FAM227A: variants seen among roughly 807,000 people sequenced by gnomAD.
The protein encoded by FAM227A is family with sequence similarity 227 member A.
A neutral mutation model predicts 74.7 loss-of-function variants in FAM227A; 80 were observed. The ratio of observed to expected loss-of-function variants is 1.07; its 90% CI spans 0.89 to 1.29. The LOEUF (loss-of-function observed/expected upper bound fraction) is 1.29. Among genes scored for constraint, FAM227A ranks in the 50% most tolerant of loss-of-function variants. FAM227A has a pLI of 0.00. For synonymous variants in FAM227A, 237 were observed against 241.8 expected, an observed-to-expected ratio of 0.98 and a Z score of 0.19; for missense variants, 654 against 683.4, an observed-to-expected ratio of 0.96 and a Z score of 0.48.
intron 11 of FAM227A, among the ~76,000 whole-genome samples, chr22:38,611,292 G>A (rs2091408640): frequency 6.6e-6 from 1 of 152,116 alleles, no homozygotes; most frequent in Admixed American, 6.5e-5. Flanking sequence ...TACAGAGTTG[G>A]GGGTTGGGGA....
At chr22:38,604,199 C>T (rs1403463149) in intron 13 of FAM227A, among the ~76,000 whole-genome samples, 1 of 151,992 alleles carries the variant, frequency 6.6e-6, no homozygotes, top group Non-Finnish European at 1.5e-5. Context: ...TGGTGGCACA[C>T]GCCTGTAGTC....
At chr22:38,597,628 G>A (rs1471128288) in intron 14 of FAM227A, among the ~76,000 whole-genome samples, 2 of 152,134 alleles carry the variant, frequency 1.3e-5, no homozygotes, top group Non-Finnish European at 2.9e-5. Flanking sequence ...GTGGATGGAA[G>A]GCAGGGCTAA....
chr22:38,626,913 T>TATATATAC (rs34078214), intron 8 of FAM227A, among the ~76,000 whole-genome samples: 4,799 of 88,818 alleles, frequency 0.054, 285 homozygotes, highest in East Asian at 0.11. Flanking sequence ...TATATATATA[T>TATATATAC]ACACGTATAT....
At chr22:38,610,461 C>A (rs1405299799) in intron 11 of FAM227A, among the ~76,000 whole-genome samples, 1 of 152,194 alleles carries the variant, frequency 6.6e-6, no homozygotes, top group Non-Finnish European at 1.5e-5. Context: ...GCAGAGAGAG[C>A]TCAGACTGAC....
intron 13 of FAM227A, among the ~76,000 whole-genome samples, chr22:38,602,970 T>C (rs1430948712): frequency 6.6e-6 from 1 of 152,094 alleles, no homozygotes; most frequent in Admixed American, 6.6e-5. Flanking sequence ...GCCTCCTGGG[T>C]TCAAGCAATT....
chr22:38,624,321 C>T (rs1182157984), intron 9 of FAM227A, among the ~76,000 whole-genome samples: 1 of 152,012 alleles, frequency 6.6e-6, no homozygotes, highest in Non-Finnish European at 1.5e-5. Context: ...TGGAGAATCA[C>T]TTGCACCCTG....
Position 38,582,041 on chromosome 22 carries a change from C to A in FAM227A, c.*4084G>T, listed in dbSNP as rs2146082805. On this transcript the variant is annotated 3_prime_UTR_variant, in exon 17 of 17. Coordinates refer to ENST00000535113, the MANE Select transcript of FAM227A (RefSeq NM_001013647.2). ...TACAGGTGTGAGCCACCATGCCTGGCCTGTTCGTTTTTTAACAAAGCTTTA... is the reference window on the plus strand; with the variant it reads ...TACAGGTGTGAGCCACCATGCCTGGACTGTTCGTTTTTTAACAAAGCTTTA... 3.6e-6 allele frequency: 1 copy of A among 278,736 alleles called. No individual in the cohort carries two copies. Among genetic ancestry groups the A allele is most frequent in the Non-Finnish European group, 6.7e-6 (1 of 148,602 alleles). The allele number at this position is 278,736 out of a possible 1,614,324, so 17.3% of individuals were successfully genotyped here. A position where few individuals can be genotyped will look rare whatever the true frequency, so the allele number is the denominator to read the frequency against.
chr22:38,646,996 A>G (rs1482527035), intron 2 of FAM227A, among the ~76,000 whole-genome samples: 1 of 151,490 alleles, frequency 6.6e-6, no homozygotes, highest in East Asian at 1.9e-4. Context: ...TAAAAATACA[A>G]AAAATTAGCT....
chr22:38,628,373 C>CTA, intron 7 of FAM227A, 31 bp from the exon 8 acceptor site: 1 of 1,398,646 alleles, frequency 7.1e-7, no homozygotes, highest in Non-Finnish European at 9.9e-7. Context: ...AAAGGAATTA[C>CTA]TAAAGTCCCT....
intron 2 of FAM227A, 85 bp downstream of exon 2, chr22:38,649,926 AGTAATGTGCATTATAG>A: frequency 9.7e-7 from 1 of 1,025,950 alleles, no homozygotes; most frequent in Middle Eastern, 2.1e-4. Context: ...CAAGCTAATA[AGTAATGTGCATTATAG>A]ACCTGAGCAC....
intron 8 of FAM227A, 104 bp from the exon 9 acceptor site, chr22:38,626,407 G>T: frequency 1.5e-6 from 2 of 1,357,058 alleles, no homozygotes; most frequent in Non-Finnish European, 2.0e-6. Context: ...AGTTTTTGTT[G>T]TTGTTGTTGT....
rs969531857 is a variant in FAM227A, at chr22:38,584,302, C to G, written c.*1823G>C. ...CTAGCAAATACCTAATCATCCCCCCCAAGTCCGTTTCTTCCTAGGAGAAAA... is the reference window on the plus strand; with the variant it reads ...CTAGCAAATACCTAATCATCCCCCCGAAGTCCGTTTCTTCCTAGGAGAAAA... On this transcript the variant is annotated 3_prime_UTR_variant, in exon 17 of 17. Transcript: ENST00000535113. The G allele has an allele frequency of 1.3e-5, 2 of 152,142 alleles. No homozygotes were observed. 9.4% of individuals were successfully genotyped at this position (152,142 alleles called of 1,614,324 possible).
intron 6 of FAM227A, among the ~76,000 whole-genome samples, chr22:38,635,478 T>G (rs1026649699): frequency 6.6e-6 from 1 of 152,120 alleles, no homozygotes; most frequent in African/African-American, 2.4e-5. Context: ...GACCATTTCC[T>G]GGGCTTCCTC....
chr22:38,626,115 C>A (rs1387775694), intron 9 of FAM227A, 65 bp downstream of exon 9: 1 of 1,518,472 alleles, frequency 6.6e-7, no homozygotes, highest in East Asian at 2.5e-5. Context: ...AATAACATAC[C>A]TAGGTGCCAG....
intron 14 of FAM227A, 90 bp from the exon 15 acceptor site, chr22:38,597,446 G>A: frequency 4.7e-6 from 6 of 1,272,870 alleles, no homozygotes; most frequent in Non-Finnish European, 6.7e-6. Flanking sequence ...TGGGGAAGAG[G>A]GGCATGGAGG....
At chr22:38,624,535 A>G (rs2091757260) in intron 9 of FAM227A, among the ~76,000 whole-genome samples, 1 of 152,078 alleles carries the variant, frequency 6.6e-6, no homozygotes, top group Admixed American at 6.5e-5. Flanking sequence ...CTAATATAAA[A>G]CTCTCTTAAC....
At chr22:38,646,372 G>A (rs939355016) in intron 2 of FAM227A, among the ~76,000 whole-genome samples, 4 of 138,246 alleles carry the variant, frequency 2.9e-5, no homozygotes, top group African/African-American at 1.1e-4. Context: ...CCATTCTCCT[G>A]CCTCAGCCTC....
intron 13 of FAM227A, among the ~76,000 whole-genome samples, chr22:38,603,665 G>C (rs2091223947): frequency 6.6e-6 from 1 of 152,082 alleles, no homozygotes; most frequent in African/African-American, 2.4e-5. Context: ...GATGCAGTTA[G>C]TATGTGCATA....
chr22:38,639,334 G>A (rs571113417), intron 4 of FAM227A, among the ~76,000 whole-genome samples: 2 of 151,752 alleles, frequency 1.3e-5, no homozygotes, highest in South Asian at 2.1e-4. Context: ...GCTTGAACCC[G>A]GGAGGCGGAG....
Sources: allele counts gnomAD v4.1 joint callset (sites outside exome capture counted in the v4.1 genomes callset), GRCh38; gene constraint gnomAD v4.1.1; transcripts MANE v1.5; gene names NCBI Gene and HGNC (gene_info 2026-07-23, HGNC 2026-07-21).